The following SERPINI2 variants were observed in gnomAD, a reference collection of about 807,000 sequenced individuals.
SERPINI2 encodes the protein serpin family I member 2, also known as serpin I2.
In SERPINI2, 48 loss-of-function variants were observed where a neutral mutation model predicts 47.3. The ratio of observed to expected loss-of-function variants is 1.02; its 90% CI spans 0.81 to 1.29. The LOEUF (loss-of-function observed/expected upper bound fraction) is 1.29. SERPINI2 is among the 50% of genes most tolerant of loss of function. The pLI, the probability that SERPINI2 is intolerant of heterozygous loss-of-function variation, is 0.00. For missense variants in SERPINI2, 448 were observed against 456.9 expected, an observed-to-expected ratio of 0.98 and a Z score of 0.18; for synonymous variants, 135 against 149.3, an observed-to-expected ratio of 0.90 and a Z score of 0.70.
At chr3:167,467,020 G>T in intron 3 of SERPINI2, 35 bp downstream of exon 3, 2 of 1,480,502 alleles carry the variant, frequency 1.4e-6, no homozygotes, top group Non-Finnish European at 1.9e-6. Context: ...GAATACAATG[G>T]CAAATAATAA....
At chr3:167,465,733 G>A (rs1242628771) in intron 3 of SERPINI2, 60 bp from the exon 4 acceptor site, 2 of 1,412,204 alleles carry the variant, frequency 1.4e-6, no homozygotes, top group African/African-American at 1.4e-5. Context: ...CAGTGGAATT[G>A]CTTTGAATAG....
exon 8 of SERPINI2, chr3:167,446,479 T>C: frequency 6.3e-7 from 1 of 1,583,926 alleles, no homozygotes; most frequent in Non-Finnish European, 8.6e-7. Context: ...GGGATGTGTA[T>C]GCCTATAAAA....
intron 8 of SERPINI2, among the ~76,000 whole-genome samples, chr3:167,445,993 C>T (rs1749467502): frequency 6.6e-6 from 1 of 152,204 alleles, no homozygotes; most frequent in Non-Finnish European, 1.5e-5. Flanking sequence ...CTCCACACCT[C>T]TCAATTTCCA....
At chr3:167,453,169 A>G in intron 5 of SERPINI2, 136 bp from the exon 6 acceptor site, 1 of 500,556 alleles carries the variant, frequency 2.0e-6, no homozygotes. Flanking sequence ...ATTTTCTCAC[A>G]TTTCACACCA....
intron 7 of SERPINI2, among the ~76,000 whole-genome samples, chr3:167,448,819 GTTGA>G: frequency 6.6e-6 from 1 of 152,318 alleles, no homozygotes; most frequent in African/African-American, 2.4e-5. Context: ...ACCGCGCCCG[GTTGA>G]CTGGGCATAG....
chr3:167,468,612 A>T (rs1750215090), intron 2 of SERPINI2, among the ~76,000 whole-genome samples: 1 of 152,196 alleles, frequency 6.6e-6, no homozygotes, highest in Non-Finnish European at 1.5e-5. Flanking sequence ...AATTTCAGAT[A>T]TAAAAAAAAC....
At chr3:167,468,357 A>T (rs1384906923) in intron 2 of SERPINI2, among the ~76,000 whole-genome samples, 15 of 151,370 alleles carry the variant, frequency 9.9e-5, no homozygotes, top group African/African-American at 3.4e-4. Context: ...TTTTTTTTTT[A>T]AATCAGAAAG....
At chr3:167,459,448 G>T (rs998013004) in intron 5 of SERPINI2, among the ~76,000 whole-genome samples, 1 of 151,926 alleles carries the variant, frequency 6.6e-6, no homozygotes, top group Non-Finnish European at 1.5e-5. Flanking sequence ...GATTATTTTA[G>T]CTAACATTCA....
chr3:167,469,435 T>A (rs921480647), intron 2 of SERPINI2: 1 of 152,132 alleles, frequency 6.6e-6, no homozygotes, highest in Non-Finnish European at 1.5e-5. Flanking sequence ...ATAAATTACC[T>A]AACCTCAACT....
intron 8 of SERPINI2, among the ~76,000 whole-genome samples, chr3:167,445,366 A>G (rs1749443365): frequency 6.6e-6 from 1 of 152,188 alleles, no homozygotes; most frequent in African/African-American, 2.4e-5. Context: ...TAATTTATTC[A>G]TAATGAACAC....
intron 5 of SERPINI2, among the ~76,000 whole-genome samples, chr3:167,458,012 A>G (rs1749851128): frequency 6.6e-6 from 1 of 152,200 alleles, no homozygotes; most frequent in Non-Finnish European, 1.5e-5. Context: ...TCTTTCTAAA[A>G]CACTGACTTA....
rs1346701009 is a variant in SERPINI2 at position 167,446,485 on chromosome 3, T to C, written c.1052-4A>G. ...ATGATCACAGGGATGTGTATGCCTATAAAATAGAGACAACAGTTATTTAGA... is the reference window on the plus strand; with the variant it reads ...ATGATCACAGGGATGTGTATGCCTACAAAATAGAGACAACAGTTATTTAGA... On this transcript the variant is annotated splice_polypyrimidine_tract_variant and splice_region_variant and intron_variant, in intron 7 of 8. Transcript: ENST00000264677. 6.5e-7 allele frequency: 1 copy of C among 1,549,028 alleles called. No homozygotes were observed. Among genetic ancestry groups the C allele is most frequent in the East Asian group, 2.3e-5 (1 of 44,260 alleles).
intron 7 of SERPINI2, among the ~76,000 whole-genome samples, chr3:167,447,874 G>C (rs1749523423): frequency 6.6e-6 from 1 of 152,228 alleles, no homozygotes; most frequent in Non-Finnish European, 1.5e-5. Context: ...TCCTTCAGGA[G>C]ATGACAAAAT....
chr3:167,475,442 A>G (rs1220270064), upstream of SERPINI2, among the ~76,000 whole-genome samples: 6 of 151,754 alleles, frequency 4.0e-5, no homozygotes. Context: ...GAAATAGTCC[A>G]TTACTTTTCC....
At chr3:167,456,487 T>C (rs958653733) in intron 5 of SERPINI2, among the ~76,000 whole-genome samples, 3 of 152,204 alleles carry the variant, frequency 2.0e-5, no homozygotes, top group Non-Finnish European at 2.9e-5. Context: ...AAGATGATCA[T>C]TTATGTCCTG....
exon 2 of SERPINI2, chr3:167,471,712 A>G (rs1016195394): frequency 6.2e-7 from 1 of 1,613,536 alleles, no homozygotes; most frequent in African/African-American, 1.3e-5. Context: ...TGTTGTCCTT[A>G]TGAGATAAGG....
chr3:167,461,970 A>G (rs1460551973), intron 5 of SERPINI2, among the ~76,000 whole-genome samples: 1 of 152,102 alleles, frequency 6.6e-6, no homozygotes, highest in Non-Finnish European at 1.5e-5. Flanking sequence ...ATGGAAGAAA[A>G]TCTGGGTCAC....
chr3:167,451,182 G>T (rs1749630995), intron 6 of SERPINI2, among the ~76,000 whole-genome samples: 1 of 151,190 alleles, frequency 6.6e-6, no homozygotes, highest in Non-Finnish European at 1.5e-5. Context: ...TATTTCCCCA[G>T]TCACTATATT....
rs534219721 is a variant in SERPINI2, at chr3:167,472,784, T to A, written c.-10-940A>T. Among the ~76,000 whole-genome samples, 95 of 152,042 alleles carry A rather than the reference T, an allele frequency of 6.2e-4. 2 individuals are homozygous for A. The highest frequency in any genetic ancestry group is 5.6e-3 in the Admixed American group (85 of 15,238). On this transcript the variant is annotated intron_variant, in intron 1 of 8. Transcript: ENST00000264677. ...CAGGAAATTCAACCATTTGATTATA[T>A]CTCAAGCAGAATTAGTTTTGCAATA...
Sources: gnomAD v4.1 joint callset for allele counts (sites outside exome capture counted in the v4.1 genomes callset) on GRCh38, gnomAD v4.1.1 for gene constraint, MANE v1.5 for transcripts, NCBI Gene and HGNC (gene_info 2026-07-23, HGNC 2026-07-21) for gene names.